The following SULF2 variants were observed in gnomAD, a reference collection of about 807,000 sequenced individuals.
The protein encoded by SULF2 is extracellular sulfatase Sulf-2.
In SULF2, 52 loss-of-function variants were observed where a neutral mutation model predicts 107.7. That is an observed-to-expected ratio of 0.48 (90% CI 0.39 to 0.61). The LOEUF (loss-of-function observed/expected upper bound fraction) is 0.61. Among genes scored for constraint, SULF2 ranks in the 20% least tolerant of loss-of-function variants. The probability of loss-of-function intolerance (pLI) is 0.00; values close to 1 mark genes in which losing one functional copy is unlikely to be tolerated. For missense variants in SULF2, 993 were observed against 1,177.3 expected, an observed-to-expected ratio of 0.84 and a Z score of 2.29; for synonymous variants, 460 against 464.3, an observed-to-expected ratio of 0.99 and a Z score of 0.12.
At chr20:47,659,668 GT>G (rs1283652418) in intron 19 of SULF2, 28 bp downstream of exon 19, 1 of 1,597,720 alleles carries the variant, frequency 6.3e-7, no homozygotes, top group Non-Finnish European at 8.6e-7. Flanking sequence ...GGAGAACTTT[GT>G]TTAGGCTTTA....
At chr20:47,734,695 G>T (rs1257807184) in intron 3 of SULF2, among the ~76,000 whole-genome samples, 2 of 152,154 alleles carry the variant, frequency 1.3e-5, no homozygotes, top group African/African-American at 4.8e-5. Flanking sequence ...GCTGGAATGG[G>T]ATTCTTTGTA....
In SULF2 at chr20:47,690,255, A is replaced by G; in HGVS notation, c.608T>C (p.Phe203Ser). ...GTACATCTTCTTGGACGTGCGGAAG[A>G]AGCTCACGCTGTCATTGGTGATGAG... ...TDLITNDSVS[F>S]FRTSKKMYPH... Residue 203 changes from phenylalanine to serine, a missense_variant, in exon 5 of 21, where the codon TTC (phenylalanine) becomes TCC (serine). Coordinates refer to ENST00000688720, the MANE Select transcript of SULF2 (RefSeq NM_001387048.1). 2 of 1,563,604 alleles carry G rather than the reference A, an allele frequency of 1.3e-6. No individual in the cohort carries two copies. The highest frequency in any genetic ancestry group is 1.7e-6 in the Non-Finnish European group (2 of 1,151,408).
chr20:47,743,371 T>C (rs2089935282), intron 2 of SULF2, among the ~76,000 whole-genome samples: 1 of 152,118 alleles, frequency 6.6e-6, no homozygotes, highest in Non-Finnish European at 1.5e-5. Flanking sequence ...TGCAGTAGTG[T>C]GATCACGGCT....
chr20:47,671,643 C>G (rs1045307452), intron 11 of SULF2, among the ~76,000 whole-genome samples: 8 of 152,168 alleles, frequency 5.3e-5, no homozygotes, highest in Non-Finnish European at 7.3e-5. Context: ...CTAGGGGAAG[C>G]ACAGAGCTGG....
At chr20:47,659,972 C>T (rs144217583) in intron 18 of SULF2, among the ~76,000 whole-genome samples, 6 of 152,260 alleles carry the variant, frequency 3.9e-5, no homozygotes, top group Admixed American at 3.9e-4. Context: ...GTTTCAGGAC[C>T]CTGATGGCTT....
In SULF2 at chr20:47,757,381, CTGGTGCTTCTTT is replaced by C; in HGVS notation, c.-30_-19del. The C allele has an allele frequency of 6.4e-7, 1 of 1,563,482 alleles. No individual in the cohort carries two copies. ...GGGCCCATCTTCTTTTTTTGCTGAT[CTGGTGCTTCTTT>C]TGGGATGCGGGAGTCTCAAGTTGCG... On this transcript the variant is annotated 5_prime_UTR_variant, in exon 2 of 21. Coordinates refer to ENST00000688720, the MANE Select transcript of SULF2 (RefSeq NM_001387048.1).
Position 47,658,002 on chromosome 20 carries a change from ATGACTTTCGCCCTT to A in SULF2, c.*346_*359del, listed in dbSNP as rs2086948415. The A allele has an allele frequency of 2.4e-5, 7 of 290,376 alleles. No individual in the cohort carries two copies. The Admixed American group carries it at 2.8e-4, about 12-fold the overall frequency. 18.0% of individuals were successfully genotyped at this position (290,376 alleles called of 1,614,324 possible). Reference sequence around the variant, plus strand: ...TTTCCCCTATGATTTAAAAATTCCAATGACTTTCGCCCTTGGGAGAAATTTCCAAGGAAATCTCT... The same window carrying A: ...TTTCCCCTATGATTTAAAAATTCCAAGGGAGAAATTTCCAAGGAAATCTCT... On this transcript the variant is annotated 3_prime_UTR_variant, in exon 21 of 21. Transcript: ENST00000688720.
chr20:47,702,822 C>A, intron 3 of SULF2, 152 bp from the exon 4 acceptor site: 1 of 627,276 alleles, frequency 1.6e-6, no homozygotes. Context: ...AATGTTATTA[C>A]GTGCATTGAA....
chr20:47,731,482 C>T (rs910608268), intron 3 of SULF2, among the ~76,000 whole-genome samples: 11 of 151,962 alleles, frequency 7.2e-5, no homozygotes, highest in African/African-American at 1.5e-4. Flanking sequence ...CTTCAGTCAC[C>T]GTGCCTGGCC....
chr20:47,749,653 G>A (rs1380941622), intron 2 of SULF2, among the ~76,000 whole-genome samples: 1 of 152,260 alleles, frequency 6.6e-6, no homozygotes, highest in Non-Finnish European at 1.5e-5. Flanking sequence ...GGCACAGGGT[G>A]TGGTTTCCTT....
intron 3 of SULF2, among the ~76,000 whole-genome samples, chr20:47,711,863 CAT>C (rs1160232398): frequency 2.0e-5 from 3 of 151,698 alleles, no homozygotes; most frequent in African/African-American, 7.3e-5. Context: ...ATACAACACA[CAT>C]ATACACACGA....
At chr20:47,683,229 C>G in intron 6 of SULF2, 60 bp from the exon 7 acceptor site, 1 of 1,493,474 alleles carries the variant, frequency 6.7e-7, no homozygotes, top group Non-Finnish European at 9.0e-7. Context: ...CCGTCTCCGA[C>G]CCGGGGTGAC....
At chr20:47,677,381 G>T (rs1052846299) in intron 8 of SULF2, among the ~76,000 whole-genome samples, 2 of 150,794 alleles carry the variant, frequency 1.3e-5, no homozygotes, top group African/African-American at 4.9e-5. Flanking sequence ...CAAAATCACT[G>T]TAAGTCCCAC....
intron 2 of SULF2, among the ~76,000 whole-genome samples, chr20:47,745,931 A>T (rs767178661): frequency 6.6e-6 from 1 of 152,234 alleles, no homozygotes; most frequent in Non-Finnish European, 1.5e-5. Context: ...AGGTCTGCCC[A>T]AAAGGAAAGG....
chr20:47,662,684 G>A (rs1323191663), intron 17 of SULF2, among the ~76,000 whole-genome samples: 1 of 152,212 alleles, frequency 6.6e-6, no homozygotes, highest in East Asian at 1.9e-4. Flanking sequence ...AGTGCTTGGT[G>A]CAGTGTGTTA....
chr20:47,783,941 G>A (rs1439572337), intron 1 of SULF2, among the ~76,000 whole-genome samples: 1 of 152,208 alleles, frequency 6.6e-6, no homozygotes, highest in African/African-American at 2.4e-5. Context: ...CCTTCGTTCT[G>A]TCCTCCCTAC....
chr20:47,667,283 G>A lies in SULF2; in HGVS notation c.1577-795C>T, dbSNP rs375403752. ...ACTTAGCTTCTTTGAGTCCCAGAGAGCTGGAGGCTGCCCACCAGGTGGTAG... is the reference window on the plus strand; with the variant it reads ...ACTTAGCTTCTTTGAGTCCCAGAGAACTGGAGGCTGCCCACCAGGTGGTAG... On this transcript the variant is annotated intron_variant, in intron 11 of 20. Transcript: ENST00000688720. Among the ~76,000 whole-genome samples the A allele has an allele frequency of 1.8e-3, 272 of 152,292 alleles. 1 individual carries two copies. The highest frequency in any genetic ancestry group is 6.2e-3 in the African/African-American group (257 of 41,554).
chr20:47,669,595 ACT>A (rs2087395538), intron 11 of SULF2, among the ~76,000 whole-genome samples: 2 of 151,378 alleles, frequency 1.3e-5, no homozygotes, highest in East Asian at 1.9e-4. Flanking sequence ...CTTGTCGGAG[ACT>A]CTAGCAGGGG....
At chr20:47,734,295 C>T (rs1375219386) in intron 3 of SULF2, among the ~76,000 whole-genome samples, 4 of 152,276 alleles carry the variant, frequency 2.6e-5, no homozygotes, top group South Asian at 2.1e-4. Context: ...TAGGTGGCCA[C>T]GTGAACACAG....
Sources: allele counts gnomAD v4.1 joint callset (sites outside exome capture counted in the v4.1 genomes callset), GRCh38; gene constraint gnomAD v4.1.1; transcripts MANE v1.5; gene names NCBI Gene and HGNC (gene_info 2026-07-23, HGNC 2026-07-21).